The following ZNF385D variants were observed in gnomAD, a reference collection of about 807,000 sequenced individuals.
ZNF385D encodes the protein zinc finger protein 659.
A neutral mutation model predicts 35.8 loss-of-function variants in ZNF385D; 15 were observed. The ratio of observed to expected loss-of-function variants is 0.42; its 90% CI spans 0.28 to 0.64. The LOEUF is 0.64. Among genes scored for constraint, ZNF385D ranks in the 30% least tolerant of loss-of-function variants. The probability of loss-of-function intolerance (pLI) is 0.23; values close to 1 mark genes in which losing one functional copy is unlikely to be tolerated. For missense variants in ZNF385D, 474 were observed against 494.6 expected (o/e 0.96, Z 0.39); for synonymous variants, 212 against 186.8 (o/e 1.13, Z -1.10).
intron 4 of ZNF385D, among the ~76,000 whole-genome samples, chr3:21,472,604 T>A (rs1482391366): frequency 2.6e-5 from 4 of 152,204 alleles, no homozygotes; most frequent in African/African-American, 9.6e-5. Flanking sequence ...AACTGCAATC[T>A]AACTTAATAT....
At chr3:21,764,898 C>T (rs1343000815) in intron 3 of ZNF385D, among the ~76,000 whole-genome samples, 1 of 152,076 alleles carries the variant, frequency 6.6e-6, no homozygotes, top group Non-Finnish European at 1.5e-5. Flanking sequence ...CAATTGTCCA[C>T]TTCTCTCCTG....
rs777944820 is a variant in ZNF385D, at chr3:21,566,073, A to AACAT, written c.166-1393_166-1390dup. On this transcript the variant is annotated intron_variant, in intron 2 of 7. Transcript: ENST00000281523. Reference sequence around the variant, plus strand: ...CCTATTAGGTTGTCTAGGTACTGTTAACATACGGTTCTGAATAATAACAAT... The same window carrying AACAT: ...CCTATTAGGTTGTCTAGGTACTGTTAACATACATACGGTTCTGAATAATAACAAT... Among the ~76,000 whole-genome samples, 10 of 152,320 alleles carry AACAT rather than the reference A, an allele frequency of 6.6e-5. No individual in the cohort carries two copies. The East Asian group carries it at 1.9e-3, about 29-fold the overall frequency.
intron 3 of ZNF385D, among the ~76,000 whole-genome samples, chr3:22,050,289 G>C (rs1407082836): frequency 6.6e-6 from 1 of 151,850 alleles, no homozygotes; most frequent in Non-Finnish European, 1.5e-5. Context: ...TTGAGCCCCA[G>C]AGGTTGACGC....
At chr3:21,623,602 A>G (rs996538972) in intron 2 of ZNF385D, among the ~76,000 whole-genome samples, 1 of 152,024 alleles carries the variant, frequency 6.6e-6, no homozygotes, top group Admixed American at 6.6e-5. Flanking sequence ...TGAGCCCACA[A>G]TGAGCTATGA....
At chr3:21,867,225 T>C (rs1346240745) in intron 3 of ZNF385D, among the ~76,000 whole-genome samples, 1 of 152,150 alleles carries the variant, frequency 6.6e-6, no homozygotes, top group Admixed American at 6.6e-5. Context: ...ATTAATCCAT[T>C]ATTGAGGTCA....
intron 3 of ZNF385D, among the ~76,000 whole-genome samples, chr3:22,117,229 C>T (rs1397272235): frequency 6.6e-6 from 1 of 151,994 alleles, no homozygotes; most frequent in Non-Finnish European, 1.5e-5. Context: ...TGTGCTTTGG[C>T]TCTCATAGGA....
intron 3 of ZNF385D, among the ~76,000 whole-genome samples, chr3:22,018,690 CT>C (rs1456505708): frequency 1.3e-5 from 2 of 151,868 alleles, no homozygotes; most frequent in African/African-American, 4.8e-5. Flanking sequence ...TTGACCTTCT[CT>C]TTCTCATAAT....
At chr3:22,139,467 G>T (rs1040193415) in intron 3 of ZNF385D, among the ~76,000 whole-genome samples, 21 of 152,172 alleles carry the variant, frequency 1.4e-4, no homozygotes, top group Middle Eastern at 3.4e-3. Context: ...CCTTTGTAGG[G>T]ACATGGATGA....
intron 3 of ZNF385D, among the ~76,000 whole-genome samples, chr3:22,074,683 G>C (rs567799368): frequency 6.6e-6 from 1 of 151,974 alleles, no homozygotes; most frequent in Non-Finnish European, 1.5e-5. Flanking sequence ...TCTCCAATGA[G>C]GGGTCATTTG....
intron 3 of ZNF385D, among the ~76,000 whole-genome samples, chr3:21,905,485 G>C (rs1018179566): frequency 6.6e-6 from 1 of 151,800 alleles, no homozygotes; most frequent in African/African-American, 2.4e-5. Flanking sequence ...CTCAACTTAA[G>C]AAGGGCTGAT....
intron 4 of ZNF385D, among the ~76,000 whole-genome samples, chr3:21,457,815 C>T (rs2125302476): frequency 6.6e-6 from 1 of 152,284 alleles, no homozygotes; most frequent in African/African-American, 2.4e-5. Context: ...TTAAGAATTA[C>T]ACACAAGTAA....
chr3:21,438,231 T>G (rs1701672622), intron 4 of ZNF385D, among the ~76,000 whole-genome samples: 1 of 152,164 alleles, frequency 6.6e-6, no homozygotes, highest in Non-Finnish European at 1.5e-5. Context: ...TATACTACTT[T>G]TTTGCCTCTC....
intron 2 of ZNF385D, among the ~76,000 whole-genome samples, chr3:22,216,104 G>A (rs1264229746): frequency 1.3e-5 from 2 of 151,844 alleles, no homozygotes; most frequent in Non-Finnish European, 2.9e-5. Flanking sequence ...TGACTCACTT[G>A]TCTCTGTTAG....
chr3:22,287,396 T>C (rs987236584), intron 2 of ZNF385D, among the ~76,000 whole-genome samples: 10 of 151,990 alleles, frequency 6.6e-5, no homozygotes, highest in African/African-American at 2.4e-4. Context: ...GATTTACTAA[T>C]GTCATTTTGT....
intron 3 of ZNF385D, among the ~76,000 whole-genome samples, chr3:22,089,185 T>A (rs1307736671): frequency 3.9e-5 from 6 of 152,242 alleles, no homozygotes; most frequent in South Asian, 4.1e-4. Flanking sequence ...TTTAAAAAAC[T>A]GTCTGTAAAC....
chr3:22,117,736 A>G (rs1702884446), intron 3 of ZNF385D, among the ~76,000 whole-genome samples: 1 of 152,164 alleles, frequency 6.6e-6, no homozygotes, highest in Middle Eastern at 3.4e-3. Context: ...ATTAAAAAGT[A>G]TTTACATGAA....
intron 3 of ZNF385D, among the ~76,000 whole-genome samples, chr3:21,831,361 T>G (rs1030942218): frequency 6.6e-6 from 1 of 152,104 alleles, no homozygotes; most frequent in Non-Finnish European, 1.5e-5. Flanking sequence ...GGCAAGAACA[T>G]AGTAGGTAAT....
At position 21,418,534 on chromosome 3, in the gene ZNF385D, C is replaced by T. The variant is rs1469375688; in HGVS notation, c.*2680G>A. The T allele has an allele frequency of 6.6e-6, 1 of 152,126 alleles. No individual in the cohort carries two copies. The highest frequency in any genetic ancestry group is 1.5e-5 in the Non-Finnish European group (1 of 68,002). 9.4% of individuals were successfully genotyped at this position (152,126 alleles called of 1,614,324 possible). Reference sequence around the variant, plus strand: ...AAAATGGTTCCATAGCGAAGTGAGGCAGAAGGGATCCAGGTATTTCTGAGA... The same window carrying T: ...AAAATGGTTCCATAGCGAAGTGAGGTAGAAGGGATCCAGGTATTTCTGAGA... On this transcript the variant is annotated 3_prime_UTR_variant, in exon 8 of 8. Coordinates refer to ENST00000281523, the MANE Select transcript of ZNF385D (RefSeq NM_024697.3).
intron 2 of ZNF385D, among the ~76,000 whole-genome samples, chr3:22,170,511 G>T (rs139849665): frequency 6.6e-6 from 1 of 152,062 alleles, no homozygotes; most frequent in Non-Finnish European, 1.5e-5. Context: ...AGTACATAAC[G>T]CATGCTTTCT....
Sources: allele counts gnomAD v4.1 joint callset (sites outside exome capture counted in the v4.1 genomes callset), GRCh38; gene constraint gnomAD v4.1.1; transcripts MANE v1.5; gene names NCBI Gene and HGNC (gene_info 2026-07-23, HGNC 2026-07-21).